PDE7B: variants seen among roughly 807,000 people sequenced by gnomAD.
The protein encoded by PDE7B is 3',5'-cyclic-AMP phosphodiesterase 7B.
In PDE7B, 29 loss-of-function variants were observed where a neutral mutation model predicts 56.2. That is an observed-to-expected ratio of 0.52 (90% CI 0.38 to 0.70). The LOEUF (loss-of-function observed/expected upper bound fraction) is 0.70, where lower values mean the gene tolerates loss of function less well. Ranked by LOEUF, PDE7B falls within the 30% of genes least tolerant of loss-of-function variation. The probability of loss-of-function intolerance (pLI) is 0.00; values close to 1 mark genes in which losing one functional copy is unlikely to be tolerated. For synonymous variants in PDE7B, 197 were observed against 196.9 expected, an observed-to-expected ratio of 1.00 and a Z score of 0.00; for missense variants, 490 against 565.0, an observed-to-expected ratio of 0.87 and a Z score of 1.35.
chr6:136,130,834 T>C (rs1045419788), intron 3 of PDE7B, among the ~76,000 whole-genome samples: 1 of 152,168 alleles, frequency 6.6e-6, no homozygotes, highest in Non-Finnish European at 1.5e-5. Flanking sequence ...AGGCATGTCT[T>C]ACATGGCAGT....
At chr6:135,906,940 G>A (rs111592495) in intron 1 of PDE7B, among the ~76,000 whole-genome samples, 22 of 150,548 alleles carry the variant, frequency 1.5e-4, no homozygotes, top group African/African-American at 5.1e-4. Context: ...AGTTGGTAGG[G>A]TAACCAAACT....
In PDE7B at chr6:136,155,614, GT is replaced by G. The variant is rs769449287; in HGVS notation, c.580-6del. On this transcript the variant is annotated splice_polypyrimidine_tract_variant and intron_variant, in intron 7 of 12. Transcript: ENST00000308191. ...AATACACCAATCAATCTCCCAATTT[GT>G]TTTTTTAACAGCTTGCCAGCTTCCT... 6 of 1,596,726 alleles carry G rather than the reference GT, an allele frequency of 3.8e-6. No homozygotes were observed. The Admixed American group carries it at 6.9e-5, about 18-fold the overall frequency.
chr6:136,166,386 A>G (rs1778793441), intron 8 of PDE7B: 1 of 152,272 alleles, frequency 6.6e-6, no homozygotes, highest in African/African-American at 2.4e-5. Context: ...CATTGCTATA[A>G]AGAAATACCT....
chr6:136,097,468 C>T (rs1777487061), intron 2 of PDE7B, among the ~76,000 whole-genome samples: 1 of 152,062 alleles, frequency 6.6e-6, no homozygotes, highest in Admixed American at 6.6e-5. Flanking sequence ...AACCTATTCA[C>T]TTCCCTCTCC....
At chr6:135,865,825 G>A (rs892299678) in intron 1 of PDE7B, among the ~76,000 whole-genome samples, 3 of 152,064 alleles carry the variant, frequency 2.0e-5, no homozygotes, top group African/African-American at 7.2e-5. Context: ...ATTGAAAGTG[G>A]TTGGCACTTA....
At position 135,949,616 on chromosome 6, in the gene PDE7B, A is replaced by C. The variant is rs1324079861; in HGVS notation, c.82+2092A>C. Among the ~76,000 whole-genome samples, 7 of 152,262 alleles carry C rather than the reference A, an allele frequency of 4.6e-5. 1 individual carries two copies. The East Asian group carries it at 1.3e-3, about 29-fold the overall frequency. On this transcript the variant is annotated intron_variant, in intron 2 of 12. Coordinates refer to ENST00000308191, the MANE Select transcript of PDE7B (RefSeq NM_018945.4). Reference sequence around the variant, plus strand: ...TAATTAGATCATTTATTCTAAGTAAATTAAGAGAAGCTCTATCTTTCAAAA... The same window carrying C: ...TAATTAGATCATTTATTCTAAGTAACTTAAGAGAAGCTCTATCTTTCAAAA...
At chr6:136,024,939 T>C (rs1006572389) in intron 2 of PDE7B, among the ~76,000 whole-genome samples, 11 of 152,226 alleles carry the variant, frequency 7.2e-5, no homozygotes, top group African/African-American at 1.7e-4. Flanking sequence ...ATGACCAATC[T>C]GTTTTCTACG....
intron 2 of PDE7B, among the ~76,000 whole-genome samples, chr6:136,101,222 T>A (rs934080732): frequency 6.6e-6 from 1 of 152,186 alleles, no homozygotes; most frequent in Non-Finnish European, 1.5e-5. Context: ...GGTCCAAAAT[T>A]CTCTTTTTTT....
chr6:136,056,685 C>T (rs1246994724), intron 2 of PDE7B, among the ~76,000 whole-genome samples: 3 of 151,804 alleles, frequency 2.0e-5, no homozygotes, highest in Non-Finnish European at 4.4e-5. Context: ...GCACCTGCCA[C>T]CACACCCAGC....
At chr6:135,941,217 G>T (rs1774500889) in intron 1 of PDE7B, among the ~76,000 whole-genome samples, 1 of 151,330 alleles carries the variant, frequency 6.6e-6, no homozygotes, top group Non-Finnish European at 1.5e-5. Flanking sequence ...ACTGATCATG[G>T]TTAGCACTTT....
chr6:136,179,674 C>A (rs1469872793), intron 10 of PDE7B, among the ~76,000 whole-genome samples: 1 of 152,160 alleles, frequency 6.6e-6, no homozygotes, highest in Non-Finnish European at 1.5e-5. Flanking sequence ...GTTTCTGAAA[C>A]ACAAAAGCAT....
At chr6:136,025,133 G>A (rs993377195) in intron 2 of PDE7B, among the ~76,000 whole-genome samples, 1 of 152,132 alleles carries the variant, frequency 6.6e-6, no homozygotes. Flanking sequence ...CAAAAATGCT[G>A]TGGCAATCCC....
chr6:136,103,517 G>A (rs1450937946), intron 2 of PDE7B, among the ~76,000 whole-genome samples: 1 of 152,208 alleles, frequency 6.6e-6, no homozygotes, highest in Non-Finnish European at 1.5e-5. Context: ...TGAGATTTGG[G>A]ATCTGGATTT....
At chr6:136,079,323 A>T (rs1414474466) in intron 2 of PDE7B, among the ~76,000 whole-genome samples, 1 of 152,102 alleles carries the variant, frequency 6.6e-6, no homozygotes, top group Non-Finnish European at 1.5e-5. Context: ...TAATATATCT[A>T]TTTTACACAT....
At chr6:136,048,513 T>C (rs527892894) in intron 2 of PDE7B, among the ~76,000 whole-genome samples, 1 of 152,076 alleles carries the variant, frequency 6.6e-6, no homozygotes, top group East Asian at 1.9e-4. Flanking sequence ...TGCAACAAAT[T>C]CCAGGGAAGG....
chr6:136,005,888 A>G (rs1293803458), intron 2 of PDE7B, among the ~76,000 whole-genome samples: 3 of 152,148 alleles, frequency 2.0e-5, no homozygotes, highest in African/African-American at 7.2e-5. Flanking sequence ...TCATACTGCT[A>G]TAAAGACACA....
At position 136,191,669 on chromosome 6, in the gene PDE7B, T is replaced by A; in HGVS notation, c.1182T>A (p.Gly394=). 6.2e-7 allele frequency: 1 copy of A among 1,614,044 alleles called. No individual in the cohort carries two copies. The highest frequency in any genetic ancestry group is 8.5e-7 in the Non-Finnish European group (1 of 1,179,982). Residue 394 remains glycine (G), a synonymous_variant, in exon 13 of 13, where the codon GGT becomes GGA. Transcript: ENST00000308191. ...PLFREWAHFT[G]NSTLSENMLG... is the part of the protein sequence containing the mutation. ...TCCGGGAATGGGCCCATTTCACGGG[T>A]AACAGCACCCTGTCGGAGAACATGC...
At chr6:135,973,635 G>A (rs989688215) in intron 2 of PDE7B, among the ~76,000 whole-genome samples, 3 of 152,098 alleles carry the variant, frequency 2.0e-5, no homozygotes, top group African/African-American at 7.2e-5. Flanking sequence ...ACCAACATTT[G>A]TTGTCTTTTT....
chr6:136,030,081 C>T (rs755665289), intron 2 of PDE7B, among the ~76,000 whole-genome samples: 6 of 152,148 alleles, frequency 3.9e-5, no homozygotes, highest in Non-Finnish European at 7.3e-5. Flanking sequence ...AGTTACTCCC[C>T]TGGATTATAT....
Sources: gnomAD v4.1 joint callset for allele counts (sites outside exome capture counted in the v4.1 genomes callset) on GRCh38, gnomAD v4.1.1 for gene constraint, MANE v1.5 for transcripts, NCBI Gene and HGNC (gene_info 2026-07-23, HGNC 2026-07-21) for gene names.